The following UNC5D variants were observed in gnomAD, a reference collection of about 807,000 sequenced individuals.
The protein encoded by UNC5D is netrin receptor UNC5D.
Under a neutral mutation model 105.4 loss-of-function variants are expected in UNC5D, and 39 were observed. The observed-to-expected ratio is 0.37, with a 90% CI of 0.29 to 0.48. UNC5D has a LOEUF of 0.48. Among genes scored for constraint, UNC5D ranks in the 20% least tolerant of loss-of-function variants. The probability of loss-of-function intolerance (pLI) is 0.98; values close to 1 mark genes in which losing one functional copy is unlikely to be tolerated. For synonymous variants in UNC5D, 452 were observed against 450.4 expected (o/e 1.00, Z -0.04); for missense variants, 991 against 1,202.4 (o/e 0.82, Z 2.60).
intron 1 of UNC5D, among the ~76,000 whole-genome samples, chr8:35,533,632 G>A (rs1483382999): frequency 8.5e-5 from 13 of 152,286 alleles, no homozygotes; most frequent in South Asian, 4.1e-4. Context: ...AATGGCGGGC[G>A]CCCCTCCCCC....
Position 35,271,697 on chromosome 8 carries a change from AT to A in UNC5D, c.103+35811del, listed in dbSNP as rs1182709899. 3.4e-3 allele frequency among the ~76,000 whole-genome samples: 232 copies of A among 69,216 alleles called. 19 individuals are homozygous for A. Among genetic ancestry groups the A allele is most frequent in the African/African-American group, 0.012 (215 of 17,274 alleles). The allele number at this position is 69,216 out of a possible 152,430, so 45.4% of individuals were successfully genotyped here. ...TACATATATATGTATACATGTATAC[AT>A]GTATACATATATATTTATACATGTA... On this transcript the variant is annotated intron_variant, in intron 1 of 16. Transcript: ENST00000404895.
chr8:35,753,211 G>A (rs1002009828), intron 13 of UNC5D, among the ~76,000 whole-genome samples: 2 of 151,960 alleles, frequency 1.3e-5, no homozygotes, highest in African/African-American at 4.8e-5. Context: ...ACAGTGCTAG[G>A]GAGAATGTTA....
intron 4 of UNC5D, among the ~76,000 whole-genome samples, chr8:35,655,417 G>C (rs1434211867): frequency 6.6e-6 from 1 of 152,198 alleles, no homozygotes; most frequent in African/African-American, 2.4e-5. Flanking sequence ...GTCATACTTA[G>C]AGATAATGAA....
At chr8:35,789,769 A>G (rs910927490) in intron 16 of UNC5D, among the ~76,000 whole-genome samples, 1 of 152,298 alleles carries the variant, frequency 6.6e-6, no homozygotes, top group East Asian at 1.9e-4. Context: ...AATCAAAGGT[A>G]AAACCTTGAA....
In UNC5D at chr8:35,611,752, C is replaced by A. The variant is rs541722534; in HGVS notation, c.570+16095C>A. 5.3e-5 allele frequency among the ~76,000 whole-genome samples: 8 copies of A among 152,260 alleles called. No homozygotes were observed. The South Asian group carries it at 1.7e-3, about 32-fold the overall frequency. On this transcript the variant is annotated intron_variant, in intron 4 of 16. Coordinates refer to ENST00000404895, the MANE Select transcript of UNC5D (RefSeq NM_080872.4). ...TAAAGATAGCAACTTTAATGTTTGACCCTTGTTGTTTAGCTAAAACCAATT... is the reference window on the plus strand; with the variant it reads ...TAAAGATAGCAACTTTAATGTTTGAACCTTGTTGTTTAGCTAAAACCAATT...
chr8:35,253,581 G>C (rs1436957886), intron 1 of UNC5D, among the ~76,000 whole-genome samples: 6 of 150,308 alleles, frequency 4.0e-5, no homozygotes, highest in Non-Finnish European at 8.9e-5. Context: ...CCACCTCCTG[G>C]GTTCAAGCGA....
intron 15 of UNC5D, among the ~76,000 whole-genome samples, chr8:35,773,097 G>C (rs543906292): frequency 3.9e-5 from 6 of 152,120 alleles, no homozygotes; most frequent in African/African-American, 1.4e-4. Context: ...CAATTGATTA[G>C]GGACATTAAT....
chr8:35,684,499 C>G, intron 5 of UNC5D, 83 bp from the exon 6 acceptor site: 1 of 1,518,596 alleles, frequency 6.6e-7, no homozygotes, highest in Non-Finnish European at 8.9e-7. Flanking sequence ...ACTCACAGCA[C>G]CTGGCACAGT....
At chr8:35,721,941 T>G (rs1331887298) in intron 8 of UNC5D, among the ~76,000 whole-genome samples, 1 of 152,264 alleles carries the variant, frequency 6.6e-6, no homozygotes, top group Non-Finnish European at 1.5e-5. Context: ...TTATTTTCTT[T>G]GCAAAATTGA....
chr8:35,559,636 C>A (rs1368612895), intron 2 of UNC5D, among the ~76,000 whole-genome samples: 1 of 152,220 alleles, frequency 6.6e-6, no homozygotes, highest in Non-Finnish European at 1.5e-5. Context: ...TTCCAGAATT[C>A]TCTATTTTGT....
At chr8:35,465,587 ATG>A in intron 1 of UNC5D, among the ~76,000 whole-genome samples, 1 of 152,240 alleles carries the variant, frequency 6.6e-6, no homozygotes, top group East Asian at 1.9e-4. Flanking sequence ...TATCCTTTTC[ATG>A]TGTCTTTGTT....
At chr8:35,459,687 T>A (rs1240277072) in intron 1 of UNC5D, among the ~76,000 whole-genome samples, 1 of 152,210 alleles carries the variant, frequency 6.6e-6, no homozygotes, top group African/African-American at 2.4e-5. Context: ...AGGAAATGTT[T>A]GTTTGTTTTT....
chr8:35,373,464 T>C (rs1449960406), intron 1 of UNC5D, among the ~76,000 whole-genome samples: 3 of 152,220 alleles, frequency 2.0e-5, no homozygotes, highest in Non-Finnish European at 4.4e-5. Flanking sequence ...TTAACAGAGC[T>C]TTTATTTGCT....
intron 1 of UNC5D, among the ~76,000 whole-genome samples, chr8:35,547,025 T>C (rs1274585326): frequency 6.6e-6 from 1 of 152,198 alleles, no homozygotes; most frequent in African/African-American, 2.4e-5. Context: ...AAACTCTGTG[T>C]TATGTGAGGC....
intron 1 of UNC5D, among the ~76,000 whole-genome samples, chr8:35,502,814 C>T (rs1203960412): frequency 6.6e-6 from 1 of 152,046 alleles, no homozygotes; most frequent in Non-Finnish European, 1.5e-5. Flanking sequence ...ATCTGCCCAC[C>T]TCAGCCTCTT....
At chr8:35,241,830 T>C (rs1048099249) in intron 1 of UNC5D, among the ~76,000 whole-genome samples, 1 of 152,220 alleles carries the variant, frequency 6.6e-6, no homozygotes, top group Non-Finnish European at 1.5e-5. Context: ...TTCTTTATGC[T>C]AGAAACATTT....
Position 35,630,071 on chromosome 8 carries a change from T to C in UNC5D, c.570+34414T>C, listed in dbSNP as rs186492206. Among the ~76,000 whole-genome samples, 288 of 152,356 alleles carry C rather than the reference T, an allele frequency of 1.9e-3. 1 individual carries two copies. Among genetic ancestry groups the C allele is most frequent in the African/African-American group, 6.3e-3 (263 of 41,592 alleles). Reference sequence around the variant, plus strand: ...TATTTACGCATGGAAAAGACTTTGTTTGGCAAATCTTTTATTGTCTGGACT... The same window carrying C: ...TATTTACGCATGGAAAAGACTTTGTCTGGCAAATCTTTTATTGTCTGGACT... On this transcript the variant is annotated intron_variant, in intron 4 of 16. Transcript: ENST00000404895.
At chr8:35,285,331 G>A (rs1046307020) in intron 1 of UNC5D, among the ~76,000 whole-genome samples, 18 of 152,188 alleles carry the variant, frequency 1.2e-4, no homozygotes, top group Admixed American at 3.3e-4. Flanking sequence ...GGAGAATTAT[G>A]CCATTCATGC....
intron 1 of UNC5D, among the ~76,000 whole-genome samples, chr8:35,476,618 C>A (rs1585930874): frequency 6.6e-6 from 1 of 152,128 alleles, no homozygotes; most frequent in African/African-American, 2.4e-5. Flanking sequence ...TGACAAGTGT[C>A]TTCCCTTCGT....
Sources: gnomAD v4.1 joint callset for allele counts (sites outside exome capture counted in the v4.1 genomes callset) on GRCh38, gnomAD v4.1.1 for gene constraint, MANE v1.5 for transcripts, NCBI Gene and HGNC (gene_info 2026-07-23, HGNC 2026-07-21) for gene names.